CNNM1: variants seen among roughly 807,000 people sequenced by gnomAD.
CNNM1 encodes cyclin and CBS domain divalent metal cation transport mediator 1, also known as metal transporter CNNM1.
CNNM1 carries 44 observed loss-of-function variants against 78.8 expected under a neutral mutation model. The observed-to-expected ratio is 0.56, with a 90% CI of 0.44 to 0.72. CNNM1 has a LOEUF of 0.72. Among genes scored for constraint, CNNM1 ranks in the 30% least tolerant of loss-of-function variants. The pLI is 0.00. For missense variants in CNNM1, 1,101 were observed against 1,292.2 expected, an observed-to-expected ratio of 0.85 and a Z score of 2.27; for synonymous variants, 584 against 581.5, an observed-to-expected ratio of 1.00 and a Z score of -0.06.
At position 99,329,852 on chromosome 10, in the gene CNNM1, A is replaced by T; in HGVS notation, c.465A>T (p.Ala155=). The T allele has an allele frequency of 1.4e-6, 2 of 1,416,272 alleles. No homozygotes were observed. Among genetic ancestry groups the T allele is most frequent in the Non-Finnish European group, 1.8e-6 (2 of 1,090,808 alleles). The allele number at this position is 1,416,272 out of a possible 1,614,324, so 87.7% of individuals were successfully genotyped here. ...GGCCCTTGCGTCCCGGGGGCGTGGC[A>T]GGCTCGGCCCTGGTCCAGGTGCGAG... is the stretch of plus-strand genomic sequence containing the variant. The part of the protein sequence containing the change: ...VLGPLRPGGV[A]GSALVQVRVR... The change falls in exon 1 of 11, where the codon GCA becomes GCT. Residue 155 remains alanine, a synonymous_variant. Transcript: ENST00000356713.
At chr10:99,358,488 C>T (rs573567571) in intron 2 of CNNM1, among the ~76,000 whole-genome samples, 2 of 152,300 alleles carry the variant, frequency 1.3e-5, no homozygotes, top group South Asian at 2.1e-4. Flanking sequence ...TAACTCGTTT[C>T]AGACTTTGGT....
At chr10:99,343,554 A>G (rs951874479) in intron 1 of CNNM1, among the ~76,000 whole-genome samples, 4 of 152,194 alleles carry the variant, frequency 2.6e-5, no homozygotes, top group Non-Finnish European at 5.9e-5. Context: ...AGGTGGAACC[A>G]GAACTCACAT....
intron 6 of CNNM1, among the ~76,000 whole-genome samples, chr10:99,375,435 G>A (rs1291355280): frequency 1.3e-5 from 2 of 152,152 alleles, no homozygotes; most frequent in East Asian, 3.9e-4. Flanking sequence ...AGGAGTCAAG[G>A]ACAATCCTGG....
chr10:99,391,780 G>A lies in CNNM1; in HGVS notation c.*264G>A. ...ATGGTCTTTTCCACAGCATAGTCTG[G>A]GACTGGAAAAGAGATGTCTGACTGC... is the stretch of plus-strand genomic sequence containing the variant. On this transcript the variant is annotated 3_prime_UTR_variant, in exon 11 of 11. Transcript: ENST00000356713. 1 of 368,838 alleles carries A rather than the reference G, an allele frequency of 2.7e-6. No homozygotes were observed. The highest frequency in any genetic ancestry group is 4.9e-6 in the Non-Finnish European group (1 of 202,314). 22.8% of individuals were successfully genotyped at this position (368,838 alleles called of 1,614,324 possible).
chr10:99,365,906 A>G (rs972500424), intron 6 of CNNM1, among the ~76,000 whole-genome samples: 5 of 152,200 alleles, frequency 3.3e-5, no homozygotes, highest in Non-Finnish European at 5.9e-5. Context: ...TTTTAACATG[A>G]GTGAAACTAA....
At chr10:99,360,753 C>A in intron 2 of CNNM1, 82 bp from the exon 3 acceptor site, 2 of 1,504,294 alleles carry the variant, frequency 1.3e-6, no homozygotes, top group South Asian at 1.3e-5. Flanking sequence ...AATGTTCTAT[C>A]TGTCCCCTGT....
Position 99,391,632 on chromosome 10 carries a change from T to G in CNNM1, c.*116T>G, listed in dbSNP as rs1181810391. ...CCACAGGTGACAGAATGTTCTGCCTTCCCTTCCATCTCTTCACCCCTAGCT... is the reference window on the plus strand; with the variant it reads ...CCACAGGTGACAGAATGTTCTGCCTGCCCTTCCATCTCTTCACCCCTAGCT... On this transcript the variant is annotated 3_prime_UTR_variant, in exon 11 of 11. Coordinates refer to ENST00000356713, the MANE Select transcript of CNNM1 (RefSeq NM_020348.3). The G allele has an allele frequency of 1.2e-6, 1 of 815,366 alleles. No homozygotes were observed. The highest frequency in any genetic ancestry group is 1.7e-5 in the African/African-American group (1 of 57,880). The allele number at this position is 815,366 out of a possible 1,614,324, so 50.5% of individuals were successfully genotyped here.
chr10:99,340,453 A>C (rs1175548951), intron 1 of CNNM1, among the ~76,000 whole-genome samples: 1 of 152,188 alleles, frequency 6.6e-6, no homozygotes, highest in African/African-American at 2.4e-5. Flanking sequence ...TATTTGAAGA[A>C]TATCATAGCT....
In CNNM1 at chr10:99,337,748, C is replaced by T. The variant is rs970414297; in HGVS notation, c.1573+6788C>T. Among the ~76,000 whole-genome samples, 7 of 152,220 alleles carry T rather than the reference C, an allele frequency of 4.6e-5. No homozygotes were observed. In the East Asian group the frequency reaches 5.8e-4, roughly 13 times the overall value. ...CTGTCTTTGTAGCTCCAGCAGCTAA[C>T]GATGCATATGACACATAGTAAATTT... On this transcript the variant is annotated intron_variant, in intron 1 of 10. Transcript: ENST00000356713.
intron 10 of CNNM1, among the ~76,000 whole-genome samples, 159 bp downstream of exon 10, chr10:99,390,566 C>T (rs1021369006): frequency 6.6e-6 from 1 of 152,234 alleles, no homozygotes; most frequent in Non-Finnish European, 1.5e-5. Flanking sequence ...TGGGCCAGCA[C>T]TGCACCCTTG....
intron 6 of CNNM1, 99 bp downstream of exon 6, chr10:99,365,101 C>A: frequency 8.2e-7 from 1 of 1,221,750 alleles, no homozygotes; most frequent in Non-Finnish European, 1.2e-6. Flanking sequence ...TGGGCTGGGG[C>A]TAAGACAAAT....
chr10:99,389,173 T>C (rs536362022), intron 9 of CNNM1, among the ~76,000 whole-genome samples: 11 of 152,120 alleles, frequency 7.2e-5, no homozygotes, highest in Non-Finnish European at 1.6e-4. Context: ...CCCAGCACTT[T>C]GGGAGGCCCA....
chr10:99,353,281 G>C (rs116553833), intron 1 of CNNM1, among the ~76,000 whole-genome samples: 1 of 151,864 alleles, frequency 6.6e-6, no homozygotes, highest in South Asian at 2.1e-4. Context: ...TAGCATACCT[G>C]TTGCCTCTCA....
chr10:99,372,430 G>A (rs1379473983), intron 6 of CNNM1, among the ~76,000 whole-genome samples: 1 of 152,202 alleles, frequency 6.6e-6, no homozygotes, highest in Non-Finnish European at 1.5e-5. Flanking sequence ...GTGGGCAAGG[G>A]ATGGGTTGGT....
At chr10:99,331,142 C>T (rs1278615445) in intron 1 of CNNM1, among the ~76,000 whole-genome samples, 182 bp downstream of exon 1, 1 of 152,176 alleles carries the variant, frequency 6.6e-6, no homozygotes, top group Non-Finnish European at 1.5e-5. Context: ...ACTTCTTGCT[C>T]CTGATTGAGC....
At chr10:99,389,618 G>A (rs1016453987) in intron 9 of CNNM1, among the ~76,000 whole-genome samples, 1 of 152,076 alleles carries the variant, frequency 6.6e-6, no homozygotes, top group Non-Finnish European at 1.5e-5. Context: ...GAATGAAGGC[G>A]ATGGAGTGGT....
intron 1 of CNNM1, among the ~76,000 whole-genome samples, chr10:99,346,453 A>G (rs765682838): frequency 6.6e-6 from 1 of 152,170 alleles, no homozygotes; most frequent in Non-Finnish European, 1.5e-5. Context: ...CAGATGCTCA[A>G]ATATTTGTCC....
intron 1 of CNNM1, among the ~76,000 whole-genome samples, chr10:99,354,935 A>C (rs1026350462): frequency 6.6e-6 from 1 of 152,212 alleles, no homozygotes; most frequent in Non-Finnish European, 1.5e-5. Context: ...TGATCAGATC[A>C]GTACAGAAGG....
chr10:99,390,207 A>G (rs2032432393), intron 9 of CNNM1, 99 bp from the exon 10 acceptor site: 1 of 859,782 alleles, frequency 1.2e-6, no homozygotes, highest in African/African-American at 1.7e-5. Flanking sequence ...CACGTCTTAA[A>G]CTTCACTTGC....
Sources: allele counts gnomAD v4.1 joint callset (sites outside exome capture counted in the v4.1 genomes callset), GRCh38; gene constraint gnomAD v4.1.1; transcripts MANE v1.5; gene names NCBI Gene and HGNC (gene_info 2026-07-23, HGNC 2026-07-21).